MEGF11: variants seen among roughly 807,000 people sequenced by gnomAD.
The protein encoded by MEGF11 is multiple EGF like domains 11.
A neutral mutation model predicts 146.6 loss-of-function variants in MEGF11; 126 were observed. The ratio of observed to expected loss-of-function variants is 0.86; its 90% confidence interval spans 0.74 to 1.00. The LOEUF (loss-of-function observed/expected upper bound fraction) is 1.00, where lower values mean the gene tolerates loss of function less well. Ranked by LOEUF, MEGF11 falls within the 50% of genes least tolerant of loss-of-function variation. MEGF11 has a pLI of 0.00. For synonymous variants in MEGF11, 532 were observed against 583.4 expected (o/e 0.91, Z 1.27); for missense variants, 1,509 against 1,521.2 (o/e 0.99, Z 0.13).
At chr15:66,003,617 C>G (rs567552996) in intron 5 of MEGF11, among the ~76,000 whole-genome samples, 1 of 152,242 alleles carries the variant, frequency 6.6e-6, no homozygotes, top group East Asian at 1.9e-4. Context: ...GAGTCCCCTC[C>G]CTCACCCCAC....
chr15:66,248,482 G>C (rs2092327344), intron 1 of MEGF11, among the ~76,000 whole-genome samples: 1 of 152,292 alleles, frequency 6.6e-6, no homozygotes, highest in African/African-American at 2.4e-5. Context: ...CCTATCCCAA[G>C]GTTTGGCATT....
intron 5 of MEGF11, among the ~76,000 whole-genome samples, chr15:66,081,123 C>T (rs750264265): frequency 6.6e-5 from 10 of 152,144 alleles, no homozygotes; most frequent in Non-Finnish European, 8.8e-5. Flanking sequence ...CTGGAGGGGG[C>T]GAGGATGTGA....
intron 1 of MEGF11, among the ~76,000 whole-genome samples, chr15:66,130,374 T>C (rs2088588470): frequency 6.6e-6 from 1 of 152,170 alleles, no homozygotes; most frequent in South Asian, 2.1e-4. Flanking sequence ...ATTCTCTCTG[T>C]GGCCCTGACT....
intron 10 of MEGF11, among the ~76,000 whole-genome samples, chr15:65,932,724 C>T (rs1340837621): frequency 6.6e-6 from 1 of 152,002 alleles, no homozygotes; most frequent in Non-Finnish European, 1.5e-5. Flanking sequence ...CATGCTTCCC[C>T]ACTTAGGAAC....
rs1053175958 is a variant in MEGF11, at chr15:65,897,190, A to G, written c.*744T>C. ...CAGGACTAACTTGTAATGTCCTTGAACTTTGAATTGGCAAAATTTGATAAA... is the reference window on the plus strand; with the variant it reads ...CAGGACTAACTTGTAATGTCCTTGAGCTTTGAATTGGCAAAATTTGATAAA... On this transcript the variant is annotated 3_prime_UTR_variant, in exon 26 of 26. Coordinates refer to ENST00000395614, the MANE Select transcript of MEGF11 (RefSeq NM_001385028.1). 10 of 152,368 alleles carry G rather than the reference A, an allele frequency of 6.6e-5. No homozygotes were observed. Among genetic ancestry groups the G allele is most frequent in the African/African-American group, 2.2e-4 (9 of 41,586 alleles). The allele number at this position is 152,368 out of a possible 1,614,324, so 9.4% of individuals were successfully genotyped here. A position where few individuals can be genotyped will look rare whatever the true frequency, so the allele number is the denominator to read the frequency against.
chr15:65,898,289 C>T lies in MEGF11; in HGVS notation c.3263-195G>A, dbSNP rs1056856482. The T allele has an allele frequency of 4.1e-6, 4 of 985,246 alleles. No homozygotes were observed. The African/African-American group carries it at 7.0e-5, about 17-fold the overall frequency. 61.0% of individuals were successfully genotyped at this position (985,246 alleles called of 1,614,324 possible). A position where few individuals can be genotyped will look rare whatever the true frequency, so the allele number is the denominator to read the frequency against. ...GAATGTGCTGTCAACATCCAAGCCT[C>T]TCATCAACACCAAAGGATTTAAAAT... On this transcript the variant is annotated intron_variant, in intron 25 of 25. Transcript: ENST00000395614.
At chr15:66,133,542 T>A (rs2088750806) in intron 1 of MEGF11, among the ~76,000 whole-genome samples, 1 of 152,206 alleles carries the variant, frequency 6.6e-6, no homozygotes, top group Non-Finnish European at 1.5e-5. Flanking sequence ...ATGCCAAGGT[T>A]ATCGCCCCGT....
chr15:65,922,796 T>C (rs2079220434), intron 14 of MEGF11, 27 bp downstream of exon 14: 2 of 1,611,816 alleles, frequency 1.2e-6, no homozygotes, highest in African/African-American at 2.7e-5. Context: ...CCCTCTGAGC[T>C]CTTCGGGGTC....
chr15:65,993,179 G>C (rs2082107139), intron 5 of MEGF11, among the ~76,000 whole-genome samples: 1 of 152,104 alleles, frequency 6.6e-6, no homozygotes, highest in Non-Finnish European at 1.5e-5. Context: ...CCCAACCTCT[G>C]TCCTGTGGCA....
At chr15:66,237,235 G>A (rs998905842) in intron 1 of MEGF11, among the ~76,000 whole-genome samples, 5 of 152,164 alleles carry the variant, frequency 3.3e-5, no homozygotes, top group African/African-American at 1.2e-4. Context: ...GGACTCTGGA[G>A]TGTGGTTTCT....
chr15:66,177,512 G>C (rs1676228352), intron 1 of MEGF11, among the ~76,000 whole-genome samples: 1 of 151,650 alleles, frequency 6.6e-6, no homozygotes, highest in Non-Finnish European at 1.5e-5. Flanking sequence ...CTCTCCTCTG[G>C]TTCCAGGGGG....
intron 5 of MEGF11, among the ~76,000 whole-genome samples, chr15:66,047,604 CA>C (rs2084263981): frequency 6.6e-6 from 1 of 152,238 alleles, no homozygotes; most frequent in Non-Finnish European, 1.5e-5. Flanking sequence ...ACACCTTCTT[CA>C]GGTCCTTTTA....
chr15:66,189,995 T>C (rs2090827342), intron 1 of MEGF11, among the ~76,000 whole-genome samples: 1 of 152,126 alleles, frequency 6.6e-6, no homozygotes, highest in African/African-American at 2.4e-5. Flanking sequence ...AAATAAATTG[T>C]ATAAAGCCCA....
At chr15:66,111,615 C>A (rs2087413103) in intron 4 of MEGF11, among the ~76,000 whole-genome samples, 2 of 152,186 alleles carry the variant, frequency 1.3e-5, no homozygotes, top group Non-Finnish European at 1.5e-5. Flanking sequence ...CACTCAAGGG[C>A]AGACTTGGCC....
chr15:65,942,974 C>CTTTTT lies in MEGF11; in HGVS notation c.1288-12036_1288-12032dup, dbSNP rs58874869. ...AAACAAAAACAAAAAAACAACTTGG[C>CTTTTT]TTTTTTTTTTTTTTTTTTTTTTTTT... On this transcript the variant is annotated intron_variant, in intron 10 of 25. Coordinates refer to ENST00000395614, the MANE Select transcript of MEGF11 (RefSeq NM_001385028.1). Among the ~76,000 whole-genome samples the CTTTTT allele has an allele frequency of 7.2e-3, 343 of 47,568 alleles. 13 individuals carry two copies. The highest frequency in any genetic ancestry group is 0.024 in the East Asian group (14 of 582). The allele number at this position is 47,568 out of a possible 152,430, so 31.2% of individuals were successfully genotyped here. A position where few individuals can be genotyped will look rare whatever the true frequency, so the allele number is the denominator to read the frequency against.
chr15:66,075,749 A>G (rs1390050624), intron 5 of MEGF11, among the ~76,000 whole-genome samples: 1 of 152,232 alleles, frequency 6.6e-6, no homozygotes, highest in African/African-American at 2.4e-5. Context: ...GCTCTCAGAT[A>G]TAGGAGAATG....
At chr15:66,217,782 G>A (rs1039870931) in intron 1 of MEGF11, among the ~76,000 whole-genome samples, 1 of 152,234 alleles carries the variant, frequency 6.6e-6, no homozygotes, top group Non-Finnish European at 1.5e-5. Flanking sequence ...CCCTGGCAGA[G>A]CTGCTTCTAG....
At chr15:65,956,360 G>GA (rs2080638491) in intron 10 of MEGF11, among the ~76,000 whole-genome samples, 1 of 152,216 alleles carries the variant, frequency 6.6e-6, no homozygotes, top group South Asian at 2.1e-4. Flanking sequence ...CAGGTGCTTA[G>GA]AAAATTTACT....
At chr15:66,126,925 CTT>C (rs2088377842) in intron 2 of MEGF11, among the ~76,000 whole-genome samples, 1 of 152,162 alleles carries the variant, frequency 6.6e-6, no homozygotes, top group Admixed American at 6.5e-5. Context: ...CCCCAGGAGA[CTT>C]TTTCGAATGC....
Sources: gnomAD v4.1 joint callset for allele counts (sites outside exome capture counted in the v4.1 genomes callset) on GRCh38, gnomAD v4.1.1 for gene constraint, MANE v1.5 for transcripts, NCBI Gene and HGNC (gene_info 2026-07-23, HGNC 2026-07-21) for gene names.